The following GALK2 variants were observed in gnomAD, a reference collection of about 807,000 sequenced individuals.
The protein encoded by GALK2 is N-acetylgalactosamine kinase.
GALK2 carries 36 observed loss-of-function variants against 52.4 expected under a neutral mutation model. The observed-to-expected ratio is 0.69, with a 90% CI of 0.53 to 0.91. GALK2 has a LOEUF of 0.91. Among genes scored for constraint, GALK2 ranks in the 40% least tolerant of loss-of-function variants. The pLI is 0.00. For synonymous variants in GALK2, 176 were observed against 199.1 expected, an observed-to-expected ratio of 0.88 and a Z score of 0.98; for missense variants, 579 against 559.1, an observed-to-expected ratio of 1.04 and a Z score of -0.36.
intron 8 of GALK2, among the ~76,000 whole-genome samples, chr15:49,294,926 G>T (rs1337761324): frequency 6.6e-6 from 1 of 152,144 alleles, no homozygotes; most frequent in Non-Finnish European, 1.5e-5. Flanking sequence ...AGCACAAGGA[G>T]TCGAGTACTG....
intron 3 of GALK2, among the ~76,000 whole-genome samples, chr15:49,357,605 C>A (rs1443508526): frequency 4.7e-5 from 7 of 150,462 alleles, no homozygotes; most frequent in Non-Finnish European, 1.0e-4. Context: ...AATAGCTTAC[C>A]AACCAAAAAG....
At chr15:49,164,172 A>G (rs899945718) in intron 1 of GALK2, among the ~76,000 whole-genome samples, 1 of 152,140 alleles carries the variant, frequency 6.6e-6, no homozygotes, top group Non-Finnish European at 1.5e-5. Context: ...TTTCATCTCT[A>G]TAGTTGACAT....
chr15:49,259,820 A>C (rs945289338), intron 5 of GALK2, among the ~76,000 whole-genome samples: 2 of 150,496 alleles, frequency 1.3e-5, no homozygotes, highest in African/African-American at 4.9e-5. Context: ...ATGAGTGAGA[A>C]TATGTGGTGT....
intron 3 of GALK2, among the ~76,000 whole-genome samples, 161 bp downstream of exon 3, chr15:49,217,474 T>G (rs1334624309): frequency 6.6e-6 from 1 of 152,210 alleles, no homozygotes; most frequent in East Asian, 1.9e-4. Context: ...GTTCATTTTG[T>G]TCATTTGTCA....
At chr15:49,157,709 G>C (rs1413650312) in intron 1 of GALK2, among the ~76,000 whole-genome samples, 1 of 152,164 alleles carries the variant, frequency 6.6e-6, no homozygotes, top group African/African-American at 2.4e-5. Flanking sequence ...AGAAAAAATA[G>C]CAAGTAGAAG....
chr15:49,196,032 T>G (rs908017949), intron 1 of GALK2, among the ~76,000 whole-genome samples: 4 of 152,148 alleles, frequency 2.6e-5, no homozygotes, highest in Admixed American at 6.5e-5. Context: ...ATTTTGTACA[T>G]TTGTGCTTTA....
intron 7 of GALK2, among the ~76,000 whole-genome samples, chr15:49,291,737 G>A (rs529530578): frequency 6.6e-6 from 1 of 152,244 alleles, no homozygotes; most frequent in Admixed American, 6.5e-5. Flanking sequence ...TTTCTTGAGG[G>A]TAGAGGAACA....
chr15:49,213,891 GT>G (rs1320249115), intron 2 of GALK2, among the ~76,000 whole-genome samples: 4 of 152,112 alleles, frequency 2.6e-5, no homozygotes, highest in Admixed American at 2.6e-4. Flanking sequence ...GTGGAGGCGG[GT>G]GGATCATGGG....
At chr15:49,365,750 A>G in intron 3 of GALK2, 1 of 864,166 alleles carries the variant, frequency 1.2e-6, no homozygotes, top group South Asian at 1.3e-5. Context: ...ATCCAAGCCC[A>G]CCTGTCTTCA....
intron 8 of GALK2, among the ~76,000 whole-genome samples, chr15:49,309,555 C>G (rs1193847742): frequency 6.6e-6 from 1 of 151,740 alleles, no homozygotes; most frequent in Non-Finnish European, 1.5e-5. Flanking sequence ...TATACATGAC[C>G]TCAAACATTT....
At chr15:49,192,487 A>ATATATATGTG (rs55900640) in intron 1 of GALK2, among the ~76,000 whole-genome samples, 43 of 23,896 alleles carry the variant, frequency 1.8e-3, no homozygotes, top group East Asian at 6.1e-3. Flanking sequence ...ATATATATGT[A>ATATATATGTG]TATATATATA....
chr15:49,221,625 A>C (rs1472347444), intron 3 of GALK2, among the ~76,000 whole-genome samples: 3 of 151,990 alleles, frequency 2.0e-5, no homozygotes, highest in Non-Finnish European at 4.4e-5. Context: ...CGAGATCGTG[A>C]CACTGCACTC....
At chr15:49,181,102 C>A (rs79212602) in intron 1 of GALK2, among the ~76,000 whole-genome samples, 1 of 118,322 alleles carries the variant, frequency 8.5e-6, no homozygotes, top group Non-Finnish European at 1.7e-5. Flanking sequence ...TCCCTCCCCC[C>A]TCCCCTCATC....
chr15:49,222,424 T>A (rs1279946507), intron 3 of GALK2, among the ~76,000 whole-genome samples: 2 of 152,182 alleles, frequency 1.3e-5, no homozygotes, highest in Non-Finnish European at 2.9e-5. Flanking sequence ...AAATTTCTAG[T>A]ATTATGTTGA....
At chr15:49,168,587 G>A (rs929393604), upstream of GALK2, among the ~76,000 whole-genome samples, 11 of 151,850 alleles carry the variant, frequency 7.2e-5, no homozygotes, top group African/African-American at 1.9e-4. Flanking sequence ...GTGTGGTGGC[G>A]GCTGCCTGTA....
intron 3 of GALK2, among the ~76,000 whole-genome samples, chr15:49,226,489 T>C (rs2090142793): frequency 6.6e-6 from 1 of 152,180 alleles, no homozygotes; most frequent in Non-Finnish European, 1.5e-5. Context: ...TCAGTGGGAG[T>C]GGTGCTTCCT....
chr15:49,360,298 A>G (rs1227917849), intron 3 of GALK2, among the ~76,000 whole-genome samples: 1 of 152,112 alleles, frequency 6.6e-6, no homozygotes, highest in East Asian at 1.9e-4. Flanking sequence ...GTTTATAGTA[A>G]CATTGTACTC....
At chr15:49,247,708 C>T (rs994415812) in intron 5 of GALK2, among the ~76,000 whole-genome samples, 2 of 152,102 alleles carry the variant, frequency 1.3e-5, no homozygotes, top group African/African-American at 4.8e-5. Context: ...TGGGAGGGGC[C>T]CAAGGGCATT....
chr15:49,345,093 T>G (rs749144282), intron 3 of GALK2, among the ~76,000 whole-genome samples: 2 of 152,228 alleles, frequency 1.3e-5, no homozygotes, highest in Non-Finnish European at 2.9e-5. Flanking sequence ...ACAAAGTTAT[T>G]GTGCTCTCTT....
Sources: allele counts gnomAD v4.1 joint callset (sites outside exome capture counted in the v4.1 genomes callset), GRCh38; gene constraint gnomAD v4.1.1; transcripts MANE v1.5; gene names NCBI Gene and HGNC (gene_info 2026-07-23, HGNC 2026-07-21).